TLL1: variants seen among roughly 807,000 people sequenced by gnomAD.
TLL1 encodes the protein tolloid like 1.
A neutral mutation model predicts 128.2 loss-of-function variants in TLL1; 49 were observed. The ratio of observed to expected loss-of-function variants is 0.38; its 90% confidence interval spans 0.30 to 0.48. The LOEUF (loss-of-function observed/expected upper bound fraction) is 0.48, where lower values mean the gene tolerates loss of function less well. TLL1 is among the 20% of genes least tolerant of loss of function. The pLI, the probability that TLL1 is intolerant of heterozygous loss-of-function variation, is 0.96. For synonymous variants in TLL1, 454 were observed against 418.8 expected, an observed-to-expected ratio of 1.08 and a Z score of -1.03; for missense variants, 1,123 against 1,242.0, an observed-to-expected ratio of 0.90 and a Z score of 1.44.
chr4:165,977,310 A>C (rs72972279), intron 1 of TLL1, among the ~76,000 whole-genome samples: 8,438 of 151,942 alleles, frequency 0.056, 785 homozygotes, highest in African/African-American at 0.19. Flanking sequence ...TTCTTATGAG[A>C]TCTGATGGTT....
Position 165,923,657 on chromosome 4 carries a change from G to A in TLL1, c.169+49584G>A, listed in dbSNP as rs549903487. ...TCACCGTATTAGTGAGGATGGTCTC[G>A]ATTTCCTGACCTTGTGATCCGCCAG... On this transcript the variant is annotated intron_variant, in intron 1 of 20. Transcript: ENST00000061240. Among the ~76,000 whole-genome samples, 6 of 151,858 alleles carry A rather than the reference G, an allele frequency of 4.0e-5. No individual in the cohort carries two copies. The South Asian group carries it at 6.2e-4, about 16-fold the overall frequency.
intron 1 of TLL1, among the ~76,000 whole-genome samples, chr4:165,987,111 G>T (rs1345249836): frequency 2.0e-5 from 3 of 151,986 alleles, no homozygotes; most frequent in Non-Finnish European, 4.4e-5. Flanking sequence ...TGATTCTTAT[G>T]CAAATTAAAG....
intron 1 of TLL1, among the ~76,000 whole-genome samples, chr4:165,907,328 A>C (rs1031365791): frequency 6.6e-6 from 1 of 152,144 alleles, no homozygotes. Flanking sequence ...ATCATGATAC[A>C]TTGAATCCAA....
chr4:165,945,759 G>A (rs1228130480), intron 1 of TLL1, among the ~76,000 whole-genome samples: 2 of 152,082 alleles, frequency 1.3e-5, no homozygotes, highest in Non-Finnish European at 2.9e-5. Context: ...ACATAAATGT[G>A]TTAGGCAGAT....
chr4:165,902,393 C>T (rs146847291), intron 1 of TLL1, among the ~76,000 whole-genome samples: 6,020 of 152,248 alleles, frequency 0.04, 380 homozygotes, highest in African/African-American at 0.13. Context: ...TGCTTGAAAC[C>T]CAGGGCCCTT....
intron 1 of TLL1, among the ~76,000 whole-genome samples, chr4:165,977,210 G>A (rs180814615): frequency 6.6e-5 from 10 of 152,248 alleles, no homozygotes; most frequent in Non-Finnish European, 2.9e-5. Flanking sequence ...CATGTCGAGG[G>A]CAGAACCTGG....
chr4:165,974,021 C>T (rs141063649), intron 1 of TLL1, among the ~76,000 whole-genome samples: 323 of 151,842 alleles, frequency 2.1e-3, no homozygotes, highest in African/African-American at 7.6e-3. Flanking sequence ...TATATTTTTT[C>T]ATCCCATGTG....
At chr4:165,961,763 C>A (rs1735116497) in intron 1 of TLL1, among the ~76,000 whole-genome samples, 1 of 152,034 alleles carries the variant, frequency 6.6e-6, no homozygotes, top group Non-Finnish European at 1.5e-5. Context: ...AACTGGCTAG[C>A]CATATGCAGA....
chr4:165,935,087 AAAT>A (rs1280193273), intron 1 of TLL1, among the ~76,000 whole-genome samples: 1 of 152,200 alleles, frequency 6.6e-6, no homozygotes, highest in African/African-American at 2.4e-5. Context: ...AATGTTTTTA[AAAT>A]AATAATAATA....
intron 1 of TLL1, among the ~76,000 whole-genome samples, chr4:165,907,163 C>T (rs141918290): frequency 1.3e-5 from 2 of 152,252 alleles, no homozygotes; most frequent in East Asian, 3.9e-4. Flanking sequence ...ATGAAGATTA[C>T]ACTTGTGACC....
At position 165,918,799 on chromosome 4, in the gene TLL1, G is replaced by A. The variant is rs9985705; in HGVS notation, c.169+44726G>A. 7.3e-3 allele frequency among the ~76,000 whole-genome samples: 1,108 copies of A among 152,150 alleles called. 23 individuals carry two copies. The highest frequency in any genetic ancestry group is 0.026 in the African/African-American group (1,074 of 41,508). On this transcript the variant is annotated intron_variant, in intron 1 of 20. Coordinates refer to ENST00000061240, the MANE Select transcript of TLL1 (RefSeq NM_012464.5). ...GGGTAGGAGCTACACCTGTAGCTAG[G>A]CCTGGTTTTGGTGGATGACCCCAGA...
At chr4:166,072,300 A>T (rs960133934) in intron 16 of TLL1, among the ~76,000 whole-genome samples, 2 of 151,986 alleles carry the variant, frequency 1.3e-5, no homozygotes, top group East Asian at 1.9e-4. Flanking sequence ...GTAAAAAATG[A>T]CAGATACTTA....
chr4:166,033,978 T>G (rs114948081), intron 9 of TLL1, among the ~76,000 whole-genome samples: 2,034 of 152,310 alleles, frequency 0.013, 52 homozygotes, highest in African/African-American at 0.046. Flanking sequence ...TATTTCTTTT[T>G]AATCACTCAT....
intron 1 of TLL1, among the ~76,000 whole-genome samples, chr4:165,983,144 A>T (rs1174215396): frequency 1.3e-5 from 2 of 151,866 alleles, no homozygotes; most frequent in Non-Finnish European, 2.9e-5. Flanking sequence ...GGATCAAAGC[A>T]CTTTTCTGTC....
chr4:165,909,959 T>C (rs1232757357), intron 1 of TLL1, among the ~76,000 whole-genome samples: 2 of 152,138 alleles, frequency 1.3e-5, no homozygotes, highest in African/African-American at 4.8e-5. Context: ...TCTAGAATGA[T>C]ATATTTTATA....
At chr4:165,991,970 GTA>G (rs1413195953) in intron 2 of TLL1, among the ~76,000 whole-genome samples, 5 of 151,894 alleles carry the variant, frequency 3.3e-5, no homozygotes, top group African/African-American at 1.2e-4. Flanking sequence ...AAAACCGAGA[GTA>G]GCATTTTATA....
chr4:165,958,666 G>A (rs1228650735), intron 1 of TLL1, among the ~76,000 whole-genome samples: 1 of 139,222 alleles, frequency 7.2e-6, no homozygotes, highest in African/African-American at 2.9e-5. Flanking sequence ...TAGGTTGCCT[G>A]TTCACTCTGA....
At chr4:166,038,063 T>G (rs563780130) in intron 9 of TLL1, among the ~76,000 whole-genome samples, 1 of 152,304 alleles carries the variant, frequency 6.6e-6, no homozygotes, top group Admixed American at 6.5e-5. Flanking sequence ...CATTCAGCAT[T>G]GATTTGTAAT....
intron 16 of TLL1, among the ~76,000 whole-genome samples, chr4:166,068,957 A>G (rs945225367): frequency 6.6e-6 from 1 of 151,782 alleles, no homozygotes; most frequent in Non-Finnish European, 1.5e-5. Flanking sequence ...CCATATAAAA[A>G]TACCAAGAAT....
Sources: gnomAD v4.1 joint callset for allele counts (sites outside exome capture counted in the v4.1 genomes callset) on GRCh38, gnomAD v4.1.1 for gene constraint, MANE v1.5 for transcripts, NCBI Gene and HGNC (gene_info 2026-07-23, HGNC 2026-07-21) for gene names.